The following SLC35F3 variants were observed in gnomAD, a reference collection of about 807,000 sequenced individuals.
SLC35F3 encodes the protein putative thiamine transporter SLC35F3.
SLC35F3 carries 25 observed loss-of-function variants against 49.9 expected under a neutral mutation model. The ratio of observed to expected loss-of-function variants is 0.50; its 90% CI spans 0.37 to 0.70. The LOEUF (loss-of-function observed/expected upper bound fraction) is 0.70. SLC35F3 is among the 30% of genes least tolerant of loss of function. SLC35F3 has a pLI of 0.00. For missense variants in SLC35F3, 525 were observed against 639.8 expected (o/e 0.82, Z 1.94); for synonymous variants, 275 against 265.4 (o/e 1.04, Z -0.35).
chr1:234,139,812 G>A (rs1371637651), intron 2 of SLC35F3, among the ~76,000 whole-genome samples: 3 of 151,720 alleles, frequency 2.0e-5, no homozygotes, highest in African/African-American at 7.3e-5. Context: ...GCCAGGCATG[G>A]TGGCACACGC....
Position 233,904,939 on chromosome 1 carries a change from G to T in SLC35F3, c.-139G>T, listed in dbSNP as rs1661744561. The T allele has an allele frequency of 8.5e-6, 8 of 941,378 alleles. No individual in the cohort carries two copies. The East Asian group carries it at 2.5e-4, about 30-fold the overall frequency. 58.3% of individuals were successfully genotyped at this position (941,378 alleles called of 1,614,324 possible). On this transcript the variant is annotated 5_prime_UTR_variant, in exon 1 of 8. Coordinates refer to ENST00000366618, the MANE Select transcript of SLC35F3 (RefSeq NM_173508.4). Reference sequence around the variant, plus strand: ...AGACCGCGCGGGCGCGCACAAAGCGGCCCGGGGCGGCCGGCGCGGCGCAGA... The same window carrying T: ...AGACCGCGCGGGCGCGCACAAAGCGTCCCGGGGCGGCCGGCGCGGCGCAGA...
intron 2 of SLC35F3, among the ~76,000 whole-genome samples, chr1:233,922,091 T>C (rs1287188396): frequency 2.0e-5 from 3 of 152,212 alleles, no homozygotes; most frequent in Non-Finnish European, 2.9e-5. Context: ...TGAATAGTGC[T>C]GCAGTAAACA....
At chr1:233,930,204 A>G (rs2102792966) in intron 2 of SLC35F3, among the ~76,000 whole-genome samples, 1 of 152,094 alleles carries the variant, frequency 6.6e-6, no homozygotes. Context: ...AAGGTTCTTG[A>G]GAGGTACAGC....
intron 2 of SLC35F3, among the ~76,000 whole-genome samples, chr1:234,063,127 A>G (rs184152857): frequency 6.6e-6 from 1 of 152,228 alleles, no homozygotes; most frequent in African/African-American, 2.4e-5. Context: ...TGCCCAAAGT[A>G]GAGCCTCCGT....
intron 2 of SLC35F3, among the ~76,000 whole-genome samples, chr1:234,191,991 G>A (rs1666737243): frequency 6.6e-6 from 1 of 151,900 alleles, no homozygotes; most frequent in Non-Finnish European, 1.5e-5. Context: ...AAAAAGTCCA[G>A]GACCAGATGG....
intron 2 of SLC35F3, among the ~76,000 whole-genome samples, chr1:233,977,938 G>A (rs750693271): frequency 2.0e-5 from 3 of 152,164 alleles, no homozygotes; most frequent in Non-Finnish European, 4.4e-5. Context: ...ACAGAAAGTG[G>A]GAAGGAGCTG....
chr1:234,143,541 G>C (rs916900165), intron 2 of SLC35F3, among the ~76,000 whole-genome samples: 2 of 151,920 alleles, frequency 1.3e-5, no homozygotes, highest in African/African-American at 4.8e-5. Context: ...CACCTGCCTC[G>C]GCCATCCCTC....
chr1:234,129,821 G>GT (rs1665706001), intron 2 of SLC35F3, among the ~76,000 whole-genome samples: 2 of 152,148 alleles, frequency 1.3e-5, no homozygotes, highest in Admixed American at 6.5e-5. Flanking sequence ...CGGAAAGAAT[G>GT]TTTTTTTAAT....
Position 234,165,152 on chromosome 1 carries a change from C to T in SLC35F3, c.284-66265C>T, listed in dbSNP as rs554554401. On this transcript the variant is annotated intron_variant, in intron 2 of 7. Coordinates refer to ENST00000366618, the MANE Select transcript of SLC35F3 (RefSeq NM_173508.4). ...TAGCATTAGTATATAGTATATATAGCGTATATATAGCATTGAATATAGTTA... is the reference window on the plus strand; with the variant it reads ...TAGCATTAGTATATAGTATATATAGTGTATATATAGCATTGAATATAGTTA... 4.0e-5 allele frequency among the ~76,000 whole-genome samples: 6 copies of T among 150,290 alleles called. No homozygotes were observed. The East Asian group carries it at 6.0e-4, about 15-fold the overall frequency.
chr1:234,237,668 G>A (rs1667496114), intron 3 of SLC35F3, among the ~76,000 whole-genome samples: 1 of 152,164 alleles, frequency 6.6e-6, no homozygotes, highest in African/African-American at 2.4e-5. Flanking sequence ...GAAACAAGGT[G>A]ACAGGGCCCC....
Position 234,053,550 on chromosome 1 carries a change from G to T in SLC35F3, c.283+147792G>T, listed in dbSNP as rs532204370. On this transcript the variant is annotated intron_variant, in intron 2 of 7. Coordinates refer to ENST00000366618, the MANE Select transcript of SLC35F3 (RefSeq NM_173508.4). ...CTATGTGTGTCTCTGCATGTGAGATGGGTCTCCTGAATATAGCACACTGTT... is the reference window on the plus strand; with the variant it reads ...CTATGTGTGTCTCTGCATGTGAGATTGGTCTCCTGAATATAGCACACTGTT... 2.0e-5 allele frequency among the ~76,000 whole-genome samples: 3 copies of T among 152,152 alleles called. No individual in the cohort carries two copies. The South Asian group carries it at 6.2e-4, about 32-fold the overall frequency.
At chr1:234,047,539 C>T (rs1385153068) in intron 2 of SLC35F3, among the ~76,000 whole-genome samples, 1 of 152,176 alleles carries the variant, frequency 6.6e-6, no homozygotes, top group Non-Finnish European at 1.5e-5. Flanking sequence ...GTTCTTCCTG[C>T]GTCATGAACT....
At chr1:233,993,079 C>T (rs572184092) in intron 2 of SLC35F3, among the ~76,000 whole-genome samples, 1 of 152,088 alleles carries the variant, frequency 6.6e-6, no homozygotes, top group East Asian at 1.9e-4. Context: ...AACTGACTTC[C>T]ATGGAAGAAA....
At chr1:234,194,303 A>G (rs1013397369) in intron 2 of SLC35F3, among the ~76,000 whole-genome samples, 1 of 152,220 alleles carries the variant, frequency 6.6e-6, no homozygotes, top group African/African-American at 2.4e-5. Context: ...CGCTACCTGG[A>G]TGGAGCTGGT....
intron 2 of SLC35F3, among the ~76,000 whole-genome samples, chr1:234,062,606 C>T (rs1010037336): frequency 6.6e-6 from 1 of 152,062 alleles, no homozygotes; most frequent in Admixed American, 6.6e-5. Flanking sequence ...GGCTCTGTTG[C>T]AAATGAAGTC....
intron 2 of SLC35F3, among the ~76,000 whole-genome samples, chr1:234,126,672 A>G (rs903092142): frequency 1.3e-5 from 2 of 151,338 alleles, no homozygotes; most frequent in African/African-American, 4.9e-5. Context: ...CTCCATTTCT[A>G]TAATGTTTTC....
At chr1:234,040,755 T>G (rs1019247009) in intron 2 of SLC35F3, among the ~76,000 whole-genome samples, 1 of 152,190 alleles carries the variant, frequency 6.6e-6, no homozygotes, top group Non-Finnish European at 1.5e-5. Flanking sequence ...AATTACAAAG[T>G]GGTTAACAAC....
intron 2 of SLC35F3, among the ~76,000 whole-genome samples, chr1:234,093,866 A>G (rs943514550): frequency 6.6e-6 from 1 of 152,246 alleles, no homozygotes; most frequent in African/African-American, 2.4e-5. Flanking sequence ...AGATGATCCA[A>G]GTAGGATGGG....
At chr1:234,139,966 A>T (rs1467797699) in intron 2 of SLC35F3, among the ~76,000 whole-genome samples, 1 of 133,290 alleles carries the variant, frequency 7.5e-6, no homozygotes, top group Non-Finnish European at 1.6e-5. Flanking sequence ...AAATAAAATA[A>T]AATAAAATAA....
Sources: allele counts gnomAD v4.1 joint callset (sites outside exome capture counted in the v4.1 genomes callset), GRCh38; gene constraint gnomAD v4.1.1; transcripts MANE v1.5; gene names NCBI Gene and HGNC (gene_info 2026-07-23, HGNC 2026-07-21).